FKBP15: variants seen among roughly 807,000 people sequenced by gnomAD.
FKBP15 encodes the protein FK506-binding protein 15.
A neutral mutation model predicts 158.1 loss-of-function variants in FKBP15; 106 were observed. The ratio of observed to expected loss-of-function variants is 0.67; its 90% CI spans 0.57 to 0.79. The LOEUF is 0.79. Ranked by LOEUF, FKBP15 falls within the 30% of genes least tolerant of loss-of-function variation. The pLI is 0.00. For missense variants in FKBP15, 1,287 were observed against 1,479.1 expected (o/e 0.87, Z 2.13); for synonymous variants, 547 against 548.6 (o/e 1.00, Z 0.04).
intron 12 of FKBP15, 49 bp from the exon 13 acceptor site, chr9:113,188,540 G>T: frequency 6.9e-7 from 1 of 1,451,866 alleles, no homozygotes; most frequent in South Asian, 1.2e-5. Flanking sequence ...GTCCCTCATT[G>T]AAGACTGAGG....
Position 113,178,671 on chromosome 9 carries a change from A to C in FKBP15, c.2045T>G (p.Leu682Arg). The change falls in exon 20 of 28, where the codon CTT becomes CGT. Residue 682 changes from leucine (L) to arginine (R), a missense_variant. By Grantham distance (102) the Leu-to-Arg change is moderately radical (BLOSUM62 -2). Transcript: ENST00000238256. ...QLTESLKETD[L>R]LRGQLTKVQA... Reference sequence around the variant, plus strand: ...CACTTTGGTGAGCTGGCCCCTGAGAAGATCTGTCTCCTTCAGGCTTTCTGT... The same window carrying C: ...CACTTTGGTGAGCTGGCCCCTGAGACGATCTGTCTCCTTCAGGCTTTCTGT... 6.2e-7 allele frequency: 1 copy of C among 1,610,598 alleles called. No individual in the cohort carries two copies. Among genetic ancestry groups the C allele is most frequent in the Non-Finnish European group, 8.5e-7 (1 of 1,178,592 alleles).
chr9:113,177,422 T>A (rs1203292122), intron 20 of FKBP15, among the ~76,000 whole-genome samples: 1 of 152,234 alleles, frequency 6.6e-6, no homozygotes, highest in East Asian at 1.9e-4. Flanking sequence ...AATGAGACAT[T>A]TGAACAACAT....
chr9:113,180,570 T>G (rs1830378774), intron 19 of FKBP15, among the ~76,000 whole-genome samples: 1 of 151,612 alleles, frequency 6.6e-6, no homozygotes. Flanking sequence ...AAGAAAGCAA[T>G]GACAGGAAGA....
intron 1 of FKBP15, among the ~76,000 whole-genome samples, chr9:113,214,288 C>T (rs749338107): frequency 2.0e-5 from 3 of 152,248 alleles, no homozygotes; most frequent in Non-Finnish European, 4.4e-5. Context: ...AGCCACTGTG[C>T]TTAGCCATGA....
At position 113,161,247 on chromosome 9, in the gene FKBP15, GGGGAGT is replaced by G; in HGVS notation, c.*4825_*4830del. ...CACGACAGATTTGTGCAGCCTGCTG[GGGGAGT>G]GGGTGGGGTAATGGTACGTGGCTTC... On this transcript the variant is annotated 3_prime_UTR_variant, in exon 28 of 28. Transcript: ENST00000238256. The G allele has an allele frequency of 2.1e-6, 1 of 482,164 alleles. No homozygotes were observed. The highest frequency in any genetic ancestry group is 3.7e-6 in the Non-Finnish European group (1 of 271,784). 29.9% of individuals were successfully genotyped at this position (482,164 alleles called of 1,614,324 possible).
chr9:113,172,034 T>C (rs1471831927), intron 23 of FKBP15, among the ~76,000 whole-genome samples: 1 of 148,536 alleles, frequency 6.7e-6, no homozygotes, highest in East Asian at 2.0e-4. Context: ...GTGTGTGATG[T>C]TCCCCGCCCT....
In FKBP15 at chr9:113,161,618, C is replaced by T. The variant is rs1830013412; in HGVS notation, c.*4460G>A. Reference sequence around the variant, plus strand: ...AGGTACTGGTGAACCTGCCAACCTCCATCAGCCAGCAGACCATCGCAGAGA... The same window carrying T: ...AGGTACTGGTGAACCTGCCAACCTCTATCAGCCAGCAGACCATCGCAGAGA... On this transcript the variant is annotated 3_prime_UTR_variant, in exon 28 of 28. Transcript: ENST00000238256. 3.7e-6 allele frequency: 6 copies of T among 1,614,048 alleles called. No homozygotes were observed. Among genetic ancestry groups the T allele is most frequent in the Non-Finnish European group, 5.1e-6 (6 of 1,179,902 alleles).
At chr9:113,196,834 C>G (rs1830694686) in intron 9 of FKBP15, 98 bp downstream of exon 9, 4 of 1,431,590 alleles carry the variant, frequency 2.8e-6, no homozygotes, top group Non-Finnish European at 3.8e-6. Context: ...CCTTCAGAAC[C>G]TGGTTTTCAA....
rs928630683 is a variant in FKBP15 at position 113,197,652 on chromosome 9, G to A, written c.718-574C>T. Among the ~76,000 whole-genome samples, 3 of 152,300 alleles carry A rather than the reference G, an allele frequency of 2.0e-5. No individual in the cohort carries two copies. The South Asian group carries it at 6.2e-4, about 32-fold the overall frequency. ...CCACTGCACTCCAGCCTGGGCGACA[G>A]AGCAAGACTCAGTTTCCCCCCACCA... On this transcript the variant is annotated intron_variant, in intron 8 of 27. Coordinates refer to ENST00000238256, the MANE Select transcript of FKBP15 (RefSeq NM_015258.2).
intron 25 of FKBP15, 102 bp from the exon 26 acceptor site, chr9:113,170,044 C>T: frequency 7.1e-7 from 1 of 1,411,272 alleles, no homozygotes; most frequent in Non-Finnish European, 9.3e-7. Context: ...GACTTTGCTT[C>T]TTTCCTGTTA....
In FKBP15 at chr9:113,170,508, C is replaced by G; in HGVS notation, c.2766+14G>C. On this transcript the variant is annotated intron_variant, in intron 25 of 27. Coordinates refer to ENST00000238256, the MANE Select transcript of FKBP15 (RefSeq NM_015258.2). ...CCCAATACGATGAAACAAATGACAG[C>G]TGGCTGGCTGTACCTTGATCGTATT... The G allele has an allele frequency of 6.4e-7, 1 of 1,562,392 alleles. No individual in the cohort carries two copies. Among genetic ancestry groups the G allele is most frequent in the Non-Finnish European group, 8.8e-7 (1 of 1,133,434 alleles).
In FKBP15 at chr9:113,161,337, T is replaced by G. The variant is rs1257096947; in HGVS notation, c.*4741A>C. 1.5e-6 allele frequency: 1 copy of G among 645,354 alleles called. No homozygotes were observed. Among genetic ancestry groups the G allele is most frequent in the Non-Finnish European group, 2.6e-6 (1 of 377,778 alleles). The allele number at this position is 645,354 out of a possible 1,614,324, so 40.0% of individuals were successfully genotyped here. ...TCTCTTCCTGATCTCAAAGCCACAC[T>G]CCAGCTAAGAAAAGTCTGGTGAAGA... On this transcript the variant is annotated 3_prime_UTR_variant, in exon 28 of 28. Coordinates refer to ENST00000238256, the MANE Select transcript of FKBP15 (RefSeq NM_015258.2).
intron 6 of FKBP15, among the ~76,000 whole-genome samples, chr9:113,200,408 CT>C (rs1295478456): frequency 1.3e-5 from 2 of 152,100 alleles, no homozygotes; most frequent in African/African-American, 4.8e-5. Context: ...GAAAGGGGAG[CT>C]TTGAAAAAAC....
chr9:113,169,275 G>A lies in FKBP15; in HGVS notation c.3434C>T (p.Ser1145Phe). 2 of 1,614,036 alleles carry A rather than the reference G, an allele frequency of 1.2e-6. No homozygotes were observed. Among genetic ancestry groups the A allele is most frequent in the Non-Finnish European group, 1.7e-6 (2 of 1,179,896 alleles). ...HKELSSTEAG[S>F]TVAGAALRPS... The stretch of plus-strand genomic sequence containing the variant: ...TCTGAGGGCTGCTCCTGCAACTGTG[G>A]AACCTGCCTCTGTGCTTGACAGCTC... The change falls in exon 26 of 28, where the codon TCC (serine) becomes TTC (phenylalanine). Residue 1145 changes from serine to phenylalanine, a missense_variant. Transcript: ENST00000238256.
At chr9:113,206,908 T>C (rs958647028) in intron 3 of FKBP15, 3 of 436,744 alleles carry the variant, frequency 6.9e-6, no homozygotes, top group East Asian at 4.0e-5. Context: ...AAAGCTCATA[T>C]ACTATTCCCT....
At chr9:113,190,681 C>T (rs1162627434) in intron 11 of FKBP15, 103 bp from the exon 12 acceptor site, 3 of 770,354 alleles carry the variant, frequency 3.9e-6, no homozygotes, top group Non-Finnish European at 6.6e-6. Context: ...AACAAATCCC[C>T]CTACCATATC....
At chr9:113,178,594 T>A in intron 20 of FKBP15, 36 bp downstream of exon 20, 1 of 1,549,736 alleles carries the variant, frequency 6.5e-7, no homozygotes, top group Non-Finnish European at 8.7e-7. Flanking sequence ...TGAGTTTAAA[T>A]GGCAACAATC....
chr9:113,208,372 C>G (rs991056548), intron 2 of FKBP15, among the ~76,000 whole-genome samples: 4 of 151,996 alleles, frequency 2.6e-5, no homozygotes, highest in African/African-American at 9.7e-5. Flanking sequence ...AAAGGGACTA[C>G]AGAGTAACAC....
intron 12 of FKBP15, among the ~76,000 whole-genome samples, chr9:113,189,846 C>T (rs1413875303): frequency 1.3e-5 from 2 of 151,992 alleles, no homozygotes; most frequent in African/African-American, 2.4e-5. Flanking sequence ...ACACCAAATT[C>T]CAAATGGATT....
Sources: gnomAD v4.1 joint callset for allele counts (sites outside exome capture counted in the v4.1 genomes callset) on GRCh38, gnomAD v4.1.1 for gene constraint, MANE v1.5 for transcripts, NCBI Gene and HGNC (gene_info 2026-07-23, HGNC 2026-07-21) for gene names.